The following TEX10 variants were observed in gnomAD, a reference collection of about 807,000 sequenced individuals.
TEX10 encodes the protein testis-expressed protein 10.
In TEX10, 24 loss-of-function variants were observed where a neutral mutation model predicts 104.4. That is an observed-to-expected ratio of 0.23 (90% CI 0.17 to 0.32). The LOEUF (loss-of-function observed/expected upper bound fraction) is 0.32. Ranked by LOEUF, TEX10 falls within the 10% of genes least tolerant of loss-of-function variation. The probability of loss-of-function intolerance (pLI) is 1.00; values close to 1 mark genes in which losing one functional copy is unlikely to be tolerated. For synonymous variants in TEX10, 396 were observed against 393.4 expected (o/e 1.01, Z -0.08); for missense variants, 921 against 1,083.9 (o/e 0.85, Z 2.11).
At chr9:100,325,444 C>T (rs962153745) in intron 9 of TEX10, among the ~76,000 whole-genome samples, 4 of 152,164 alleles carry the variant, frequency 2.6e-5, no homozygotes, top group Non-Finnish European at 4.4e-5. Context: ...TCTCCTGAGC[C>T]CAAGAGTTCA....
At chr9:100,347,447 C>T (rs1835327707) in intron 2 of TEX10, 41 bp from the exon 3 acceptor site, 4 of 1,457,824 alleles carry the variant, frequency 2.7e-6, no homozygotes, top group African/African-American at 2.8e-5. Flanking sequence ...TACTTATATA[C>T]ATGTATCAAT....
At chr9:100,319,102 G>C (rs1266816360) in intron 11 of TEX10, among the ~76,000 whole-genome samples, 1 of 152,026 alleles carries the variant, frequency 6.6e-6, no homozygotes, top group East Asian at 1.9e-4. Context: ...TAAGGCAGGA[G>C]AATCGCTTAA....
At chr9:100,324,846 T>A (rs6479010) in intron 9 of TEX10, among the ~76,000 whole-genome samples, 90,315 of 151,742 alleles carry the variant, frequency 0.6, 28,154 homozygotes, top group East Asian at 0.89. Context: ...TTACGGAAAA[T>A]TTTTTTTAAA....
At chr9:100,344,649 A>G (rs1455449968) in intron 4 of TEX10, among the ~76,000 whole-genome samples, 4 of 152,186 alleles carry the variant, frequency 2.6e-5, no homozygotes, top group African/African-American at 7.2e-5. Flanking sequence ...GTTCAAAACC[A>G]GCCTGCCCAA....
At chr9:100,342,214 T>C (rs1835190975) in intron 4 of TEX10, among the ~76,000 whole-genome samples, 1 of 152,244 alleles carries the variant, frequency 6.6e-6, no homozygotes, top group African/African-American at 2.4e-5. Context: ...AGATATCTTA[T>C]TCTCAGAGAG....
chr9:100,303,168 CT>C (rs1244679727), intron 14 of TEX10, among the ~76,000 whole-genome samples: 1 of 152,252 alleles, frequency 6.6e-6, no homozygotes, highest in African/African-American at 2.4e-5. Context: ...ATACTAAAAA[CT>C]TTACTTGGGT....
intron 13 of TEX10, chr9:100,304,127 T>A: frequency 2.1e-6 from 1 of 466,428 alleles, no homozygotes; most frequent in Middle Eastern, 6.2e-4. Flanking sequence ...AAACATTCCA[T>A]GCTCATGAAT....
chr9:100,329,590 C>T (rs1834801547), intron 6 of TEX10, among the ~76,000 whole-genome samples: 2 of 152,116 alleles, frequency 1.3e-5, no homozygotes, highest in South Asian at 4.1e-4. Flanking sequence ...CACTCTAAAA[C>T]TGACTTAATA....
Position 100,309,515 on chromosome 9 carries a change from G to C in TEX10, c.2283+784C>G, listed in dbSNP as rs559817585. Among the ~76,000 whole-genome samples, 4 of 152,106 alleles carry C rather than the reference G, an allele frequency of 2.6e-5. No individual in the cohort carries two copies. The South Asian group carries it at 8.3e-4, about 32-fold the overall frequency. ...GGAGAGTCTAATTCTCTGGAGTGGA[G>C]GTAGGGAAAAAAAAGTGGGCATTGT... On this transcript the variant is annotated intron_variant, in intron 12 of 14. Coordinates refer to ENST00000374902, the MANE Select transcript of TEX10 (RefSeq NM_017746.4).
At chr9:100,321,225 G>T (rs1834563858) in intron 10 of TEX10, among the ~76,000 whole-genome samples, 1 of 152,120 alleles carries the variant, frequency 6.6e-6, no homozygotes, top group African/African-American at 2.4e-5. Context: ...TATTTATCTT[G>T]CTAGATTCAG....
chr9:100,322,282 C>A (rs1442523170), intron 9 of TEX10, among the ~76,000 whole-genome samples: 1 of 152,186 alleles, frequency 6.6e-6, no homozygotes, highest in African/African-American at 2.4e-5. Flanking sequence ...GTAACTAGGT[C>A]TATTTCACAA....
chr9:100,302,831 G>GTGT (rs1834028433), intron 14 of TEX10, among the ~76,000 whole-genome samples: 1 of 152,086 alleles, frequency 6.6e-6, no homozygotes, highest in Non-Finnish European at 1.5e-5. Flanking sequence ...ATGAGCACCT[G>GTGT]TGTTATATGC....
intron 14 of TEX10, among the ~76,000 whole-genome samples, chr9:100,302,933 C>CA (rs201752454): frequency 1.0e-4 from 15 of 145,784 alleles, no homozygotes; most frequent in Admixed American, 8.2e-4. Context: ...TAACCGCCCC[C>CA]CCCCCAAACT....
At chr9:100,346,049 A>C (rs1835291482) in intron 4 of TEX10, 23 bp downstream of exon 4, 1 of 1,584,834 alleles carries the variant, frequency 6.3e-7, no homozygotes, top group Admixed American at 1.8e-5. Context: ...ATACTAAGAA[A>C]ATAAAGAACC....
Position 100,327,743 on chromosome 9 carries a change from G to A in TEX10, c.1801+44C>T, listed in dbSNP as rs749977671. The A allele has an allele frequency of 2.1e-6, 3 of 1,462,756 alleles. No individual in the cohort carries two copies. The Admixed American group carries it at 5.8e-5, about 28-fold the overall frequency. 90.6% of individuals were successfully genotyped at this position (1,462,756 alleles called of 1,614,324 possible). On this transcript the variant is annotated intron_variant, in intron 8 of 14. Coordinates refer to ENST00000374902, the MANE Select transcript of TEX10 (RefSeq NM_017746.4). ...TTAAAAACTTCTTTTGTATATCAGG[G>A]TGGATCAATGACTACCCATACCATT...
rs762508470 is a variant in TEX10 at position 100,327,865 on chromosome 9, C to G, written c.1723G>C (p.Asp575His). ...CGTGCTGCAGCGGTATGAATGATAT[C>G]GATAAGCTGTGTAGAGAGCTCAGGA... Reference protein sequence around the residue: ...RNPELSTQLIDIIHTAAARAN... With the variant: ...RNPELSTQLIHIIHTAAARAN... The change falls in exon 8 of 15, where the codon GAT becomes CAT. Residue 575 changes from aspartate to histidine, a missense_variant. Around this residue, in one of 3 missense-constraint regions of TEX10, gnomAD observed 753 missense variants for 868.4 expected, o/e 0.87. Coordinates refer to ENST00000374902, the MANE Select transcript of TEX10 (RefSeq NM_017746.4). 3 of 1,608,390 alleles carry G rather than the reference C, an allele frequency of 1.9e-6. No individual in the cohort carries two copies. In the African/African-American group the frequency reaches 4.0e-5, roughly 22 times the overall value.
chr9:100,317,139 C>A (rs537819916), intron 11 of TEX10, among the ~76,000 whole-genome samples: 6 of 151,862 alleles, frequency 4.0e-5, no homozygotes, highest in Non-Finnish European at 7.4e-5. Flanking sequence ...TAGAAAAAAA[C>A]CATCCTAAAA....
chr9:100,333,471 T>C (rs1834923618), intron 5 of TEX10, among the ~76,000 whole-genome samples: 1 of 152,026 alleles, frequency 6.6e-6, no homozygotes, highest in Non-Finnish European at 1.5e-5. Context: ...TTCTGAAGTC[T>C]ATATGGAAAG....
intron 11 of TEX10, among the ~76,000 whole-genome samples, chr9:100,312,247 C>T (rs2118840474): frequency 6.6e-6 from 1 of 152,298 alleles, no homozygotes; most frequent in Middle Eastern, 3.4e-3. Flanking sequence ...AGTTCTAAAG[C>T]CAATGGCTGG....
Sources: gnomAD v4.1 joint callset for allele counts (sites outside exome capture counted in the v4.1 genomes callset) on GRCh38, gnomAD v4.1.1 for gene constraint, gnomAD v4.1.1 regional missense constraint, MANE v1.5 for transcripts, NCBI Gene and HGNC (gene_info 2026-07-23, HGNC 2026-07-21) for gene names.